Variants in SERPINB2 observed in about 807,000 individuals in gnomAD.
The protein encoded by SERPINB2 is plasminogen activator inhibitor 2.
SERPINB2 carries 28 observed loss-of-function variants against 39.4 expected under a neutral mutation model. The observed-to-expected ratio is 0.71, with a 90% confidence interval of 0.53 to 0.97. The LOEUF (loss-of-function observed/expected upper bound fraction) is 0.97, where lower values mean the gene tolerates loss of function less well. Among genes scored for constraint, SERPINB2 ranks in the 50% least tolerant of loss-of-function variants. SERPINB2 has a pLI of 0.00. For missense variants in SERPINB2, 557 were observed against 505.3 expected, an observed-to-expected ratio of 1.10 and a Z score of -0.98; for synonymous variants, 209 against 175.1, an observed-to-expected ratio of 1.19 and a Z score of -1.53.
Position 63,897,190 on chromosome 18 carries a change from T to C in SERPINB2, c.388T>C (p.Phe130Leu). ...NYLLESVNKL[F>L]GEKSASFREE... ...TTTACTGGAAAGTGTCAATAAGCTG[T>C]TTGGTGAGAAGTCTGCGAGCTTCCG... The change falls in exon 4 of 8, where the codon TTT (phenylalanine) becomes CTT (leucine). Residue 130 changes from phenylalanine to leucine, a missense_variant. Transcript: ENST00000299502. 1 of 1,612,618 alleles carries C rather than the reference T, an allele frequency of 6.2e-7. No homozygotes were observed. Among genetic ancestry groups the C allele is most frequent in the Non-Finnish European group, 8.5e-7 (1 of 1,179,252 alleles).
intron 5 of SERPINB2, among the ~76,000 whole-genome samples, chr18:63,899,235 T>A (rs1453289566): frequency 6.6e-6 from 1 of 152,218 alleles, no homozygotes; most frequent in Admixed American, 6.5e-5. Flanking sequence ...CTTTTTCAGC[T>A]TCACAAGTCA....
Position 63,891,568 on chromosome 18 carries a change from G to C in SERPINB2, c.124G>C (p.Val42Leu), listed in dbSNP as rs2049926552. The C allele has an allele frequency of 2.5e-6, 4 of 1,614,136 alleles. No homozygotes were observed. The East Asian group carries it at 8.9e-5, about 36-fold the overall frequency. The change falls in exon 2 of 8, where the codon GTC (valine) becomes CTC (leucine). Residue 42 changes from valine (V) to leucine (L), a missense_variant. Transcript: ENST00000299502. ...PWSISSTMAM[V>L]YMGSRGSTED... Reference sequence around the variant, plus strand: ...GAGCATCTCGTCCACCATGGCCATGGTCTACATGGGCTCCAGGGGCAGCAC... The same window carrying C: ...GAGCATCTCGTCCACCATGGCCATGCTCTACATGGGCTCCAGGGGCAGCAC...
intron 1 of SERPINB2, among the ~76,000 whole-genome samples, chr18:63,891,129 A>G (rs1373470787): frequency 6.6e-6 from 1 of 152,214 alleles, no homozygotes; most frequent in Non-Finnish European, 1.5e-5. Context: ...CACTTCATGT[A>G]TCTCAGGACT....
chr18:63,888,674 C>CA (rs1166013119), intron 1 of SERPINB2, among the ~76,000 whole-genome samples: 1 of 152,180 alleles, frequency 6.6e-6, no homozygotes. Context: ...TTCCCTGTGC[C>CA]AAGTTTCAGT....
chr18:63,901,143 A>G (rs532118757), intron 5 of SERPINB2, among the ~76,000 whole-genome samples: 8 of 152,254 alleles, frequency 5.3e-5, no homozygotes, highest in African/African-American at 1.7e-4. Context: ...GTATGATCAT[A>G]GTACTCAATA....
At chr18:63,894,774 A>G (rs1237368026) in intron 2 of SERPINB2, among the ~76,000 whole-genome samples, 1 of 152,242 alleles carries the variant, frequency 6.6e-6, no homozygotes, top group African/African-American at 2.4e-5. Flanking sequence ...TAAATATTTT[A>G]GGTGAACCCT....
In SERPINB2 at chr18:63,901,735, T is replaced by C. The variant is rs2049992089; in HGVS notation, c.536-5T>C. Reference sequence around the variant, plus strand: ...AAACCTAAATATATGTTATGTTTTCTGTAGGCAAAATCCCAAACTTGTTAC... The same window carrying C: ...AAACCTAAATATATGTTATGTTTTCCGTAGGCAAAATCCCAAACTTGTTAC... On this transcript the variant is annotated splice_region_variant and splice_polypyrimidine_tract_variant and intron_variant, in intron 5 of 7. Coordinates refer to ENST00000299502, the MANE Select transcript of SERPINB2 (RefSeq NM_002575.3). 2 of 1,537,952 alleles carry C rather than the reference T, an allele frequency of 1.3e-6. No homozygotes were observed. The highest frequency in any genetic ancestry group is 1.7e-6 in the Non-Finnish European group (2 of 1,153,498).
In SERPINB2 at chr18:63,903,080, A is replaced by C; in HGVS notation, c.1023A>C (p.Ser341=). 1.2e-6 allele frequency: 2 copies of C among 1,613,508 alleles called. No individual in the cohort carries two copies. Among genetic ancestry groups the C allele is most frequent in the Non-Finnish European group, 1.7e-6 (2 of 1,179,570 alleles). ...DAFNKGRANF[S]GMSERNDLFL... is the part of the protein sequence containing the mutation. ...TCAACAAGGGACGGGCCAATTTCTC[A>C]GGGATGTCGGAGAGGAATGACCTGT... Residue 341 remains serine, a synonymous_variant, in exon 8 of 8, where the codon TCA becomes TCC. Transcript: ENST00000299502.
intron 1 of SERPINB2, among the ~76,000 whole-genome samples, chr18:63,888,386 C>T (rs1293963751): frequency 6.6e-6 from 1 of 152,056 alleles, no homozygotes; most frequent in Admixed American, 6.5e-5. Context: ...CTTAATATCC[C>T]ATAAAAAGAT....
chr18:63,897,260 A>G, intron 4 of SERPINB2, 41 bp downstream of exon 4: 1 of 1,592,566 alleles, frequency 6.3e-7, no homozygotes, highest in South Asian at 1.1e-5. Flanking sequence ...ATCCCAAACA[A>G]GTAATGAAGT....
chr18:63,900,403 C>T (rs1330026122), intron 5 of SERPINB2, among the ~76,000 whole-genome samples: 2 of 152,092 alleles, frequency 1.3e-5, no homozygotes, highest in Admixed American at 1.3e-4. Context: ...CTTGGCTTCA[C>T]CCAGGAAAGT....
chr18:63,902,621 T>C, intron 7 of SERPINB2, 53 bp downstream of exon 7: 3 of 1,394,978 alleles, frequency 2.2e-6, no homozygotes, highest in Non-Finnish European at 2.8e-6. Context: ...TTTCGTGAGA[T>C]GAGATGAATA....
intron 3 of SERPINB2, among the ~76,000 whole-genome samples, chr18:63,896,418 A>G (rs1401139531): frequency 6.6e-6 from 1 of 152,158 alleles, no homozygotes; most frequent in Non-Finnish European, 1.5e-5. Flanking sequence ...ATAGGTATCT[A>G]GAGAAGCTAT....
Position 63,901,868 on chromosome 18 carries a change from T to A in SERPINB2, c.664T>A (p.Phe222Ile). ...FEKKLNGLYP[F>I]RVNSAQRTPV... is the part of the protein sequence containing the mutation. The stretch of plus-strand genomic sequence containing the variant: ...GAAGAAACTAAATGGGCTTTATCCT[T>A]TCCGTGTAAACTCGGTATGAGACAA... The change falls in exon 6 of 8, where the codon TTC becomes ATC. Residue 222 changes from phenylalanine to isoleucine, a missense_variant. Transcript: ENST00000299502. The A allele has an allele frequency of 6.3e-7, 1 of 1,599,190 alleles. No individual in the cohort carries two copies. Among genetic ancestry groups the A allele is most frequent in the Non-Finnish European group, 8.5e-7 (1 of 1,175,968 alleles).
intron 4 of SERPINB2, 110 bp downstream of exon 4, chr18:63,897,329 C>A: frequency 7.6e-7 from 1 of 1,324,216 alleles, no homozygotes; most frequent in African/African-American, 1.5e-5. Context: ...TGGAATTCCA[C>A]ACCAGCTCCC....
chr18:63,901,208 A>G (rs1320943039), intron 5 of SERPINB2, among the ~76,000 whole-genome samples: 1 of 152,120 alleles, frequency 6.6e-6, no homozygotes, highest in Non-Finnish European at 1.5e-5. Flanking sequence ...ACTGATTTTG[A>G]ATGTCTCCCC....
chr18:63,889,568 A>T (rs1031170655), intron 1 of SERPINB2, among the ~76,000 whole-genome samples: 2 of 152,130 alleles, frequency 1.3e-5, no homozygotes, highest in Non-Finnish European at 2.9e-5. Flanking sequence ...TCACATGGGG[A>T]TCGAGAAATA....
chr18:63,902,766 C>A, intron 7 of SERPINB2, 135 bp from the exon 8 acceptor site: 3 of 1,135,408 alleles, frequency 2.6e-6, no homozygotes, highest in Non-Finnish European at 3.6e-6. Flanking sequence ...AAAATCTGAC[C>A]AATCTGTTAA....
chr18:63,894,403 G>T (rs776801996), intron 2 of SERPINB2, among the ~76,000 whole-genome samples: 1 of 152,078 alleles, frequency 6.6e-6, no homozygotes, highest in Non-Finnish European at 1.5e-5. Flanking sequence ...GCTGGACAAG[G>T]CTGCCTTAAT....
Sources: allele counts gnomAD v4.1 joint callset (sites outside exome capture counted in the v4.1 genomes callset), GRCh38; gene constraint gnomAD v4.1.1; transcripts MANE v1.5; gene names NCBI Gene and HGNC (gene_info 2026-07-23, HGNC 2026-07-21).